The following ACAP2 variants were observed in gnomAD, a reference collection of about 807,000 sequenced individuals.
ACAP2 encodes ArfGAP with coiled-coil, ankyrin repeat and PH domains 2, also known as arf-GAP with coiled-coil, ANK repeat and PH domain-containing protein 2.
A neutral mutation model predicts 115.8 loss-of-function variants in ACAP2; 39 were observed. That is an observed-to-expected ratio of 0.34 (90% CI 0.26 to 0.44). ACAP2 has a LOEUF of 0.44. ACAP2 is among the 20% of genes least tolerant of loss of function. The probability of loss-of-function intolerance (pLI) is 1.00; values close to 1 mark genes in which losing one functional copy is unlikely to be tolerated. For missense variants in ACAP2, 662 were observed against 927.6 expected (o/e 0.71, Z 3.72); for synonymous variants, 289 against 315.8 (o/e 0.92, Z 0.90).
At chr3:195,295,270 C>T (rs1727566066) in intron 17 of ACAP2, 2 of 1,291,608 alleles carry the variant, frequency 1.5e-6, no homozygotes, top group Non-Finnish European at 2.0e-6. Context: ...CAGAGACTCC[C>T]GCCTGGCCTC....
At chr3:195,372,597 A>G (rs1238227483) in intron 4 of ACAP2, among the ~76,000 whole-genome samples, 1 of 152,006 alleles carries the variant, frequency 6.6e-6, no homozygotes, top group African/African-American at 2.4e-5. Flanking sequence ...TGAGGCAAGA[A>G]CATCACTTGA....
intron 4 of ACAP2, among the ~76,000 whole-genome samples, chr3:195,374,953 A>G (rs1733423139): frequency 6.6e-6 from 1 of 151,992 alleles, no homozygotes; most frequent in South Asian, 2.1e-4. Flanking sequence ...GCACTTTGGG[A>G]GGCCAAGGCG....
rs942915719 is a variant in ACAP2 at position 195,407,310 on chromosome 3, C to A, written c.54-15163G>T. Reference sequence around the variant, plus strand: ...CCCAAGAGTTTGAGACCAGCCTGGGCAACACAGCAAGCCTCCATCTTCACA... The same window carrying A: ...CCCAAGAGTTTGAGACCAGCCTGGGAAACACAGCAAGCCTCCATCTTCACA... On this transcript the variant is annotated intron_variant, in intron 1 of 22. Transcript: ENST00000326793. Among the ~76,000 whole-genome samples, 9 of 151,334 alleles carry A rather than the reference C, an allele frequency of 5.9e-5. 1 individual carries two copies. The highest frequency in any genetic ancestry group is 1.7e-4 in the African/African-American group (7 of 41,158).
At chr3:195,419,493 A>G (rs1714000548) in intron 1 of ACAP2, 1 of 152,200 alleles carries the variant, frequency 6.6e-6, no homozygotes. Context: ...AAGGAGATCA[A>G]TCTGTAACTG....
At chr3:195,300,580 A>T (rs1466307063) in intron 15 of ACAP2, among the ~76,000 whole-genome samples, 1 of 152,216 alleles carries the variant, frequency 6.6e-6, no homozygotes, top group East Asian at 1.9e-4. Context: ...TAACCTGACA[A>T]ATATAAATTT....
intron 6 of ACAP2, among the ~76,000 whole-genome samples, chr3:195,340,240 CT>C (rs1219713847): frequency 6.6e-6 from 1 of 150,538 alleles, no homozygotes; most frequent in Admixed American, 6.7e-5. Flanking sequence ...ACTAGATATA[CT>C]GGCTTACAAT....
intron 20 of ACAP2, among the ~76,000 whole-genome samples, chr3:195,290,532 C>T (rs1156570553): frequency 6.6e-6 from 1 of 151,938 alleles, no homozygotes; most frequent in Non-Finnish European, 1.5e-5. Flanking sequence ...CAGACATGGC[C>T]GTGCGCAGTG....
At chr3:195,299,294 G>A (rs913803901) in intron 15 of ACAP2, among the ~76,000 whole-genome samples, 3 of 152,094 alleles carry the variant, frequency 2.0e-5, no homozygotes, top group Admixed American at 1.3e-4. Context: ...AACTGGCTGC[G>A]TGTGGTGGCT....
At chr3:195,310,300 A>T (rs1728679856) in intron 10 of ACAP2, among the ~76,000 whole-genome samples, 1 of 152,226 alleles carries the variant, frequency 6.6e-6, no homozygotes. Context: ...TCTAGATAAA[A>T]TGAGCTGGGT....
chr3:195,299,430 T>C (rs1432529176), intron 15 of ACAP2, among the ~76,000 whole-genome samples: 2 of 144,722 alleles, frequency 1.4e-5, no homozygotes, highest in Non-Finnish European at 3.0e-5. Context: ...AAAAAAAAAA[T>C]TACTTGGGAG....
chr3:195,382,159 T>C (rs983858453), intron 2 of ACAP2, 137 bp from the exon 3 acceptor site: 8 of 774,482 alleles, frequency 1.0e-5, no homozygotes, highest in South Asian at 1.9e-5. Flanking sequence ...AACAGACTAA[T>C]TGAAAAGTAT....
chr3:195,418,077 C>G (rs963136980), intron 1 of ACAP2, among the ~76,000 whole-genome samples: 16 of 152,198 alleles, frequency 1.1e-4, no homozygotes, highest in Non-Finnish European at 1.9e-4. Flanking sequence ...TCTTCCACAT[C>G]CTATACTTTT....
intron 1 of ACAP2, among the ~76,000 whole-genome samples, chr3:195,395,661 C>A (rs1187372443): frequency 6.6e-6 from 1 of 152,160 alleles, no homozygotes; most frequent in African/African-American, 2.4e-5. Flanking sequence ...GCAAGAGAGA[C>A]CATATGGCCC....
chr3:195,360,984 C>CAA (rs34043043), intron 4 of ACAP2, among the ~76,000 whole-genome samples: 6 of 98,160 alleles, frequency 6.1e-5, no homozygotes, highest in Non-Finnish European at 1.1e-4. Flanking sequence ...GTAAGAAACT[C>CAA]AAAAAAAAAA....
At chr3:195,343,485 G>A (rs1189234401) in intron 5 of ACAP2, among the ~76,000 whole-genome samples, 1 of 152,156 alleles carries the variant, frequency 6.6e-6, no homozygotes, top group African/African-American at 2.4e-5. Flanking sequence ...TCATGCTGTG[G>A]CATGATCATA....
At chr3:195,395,232 C>A (rs540886167) in intron 1 of ACAP2, among the ~76,000 whole-genome samples, 1 of 152,018 alleles carries the variant, frequency 6.6e-6, no homozygotes, top group Non-Finnish European at 1.5e-5. Flanking sequence ...GACCCCTACC[C>A]TCCATAGCTT....
chr3:195,430,832 T>C lies in ACAP2; in HGVS notation c.53+11963A>G, dbSNP rs866647207. On this transcript the variant is annotated intron_variant, in intron 1 of 22. Coordinates refer to ENST00000326793, the MANE Select transcript of ACAP2 (RefSeq NM_012287.6). Reference sequence around the variant, plus strand: ...ATGGAGGCTCAACATGTATTTTCTATTCCACCTATGCGTTTGATTATAAAT... The same window carrying C: ...ATGGAGGCTCAACATGTATTTTCTACTCCACCTATGCGTTTGATTATAAAT... 2.0e-5 allele frequency among the ~76,000 whole-genome samples: 3 copies of C among 152,350 alleles called. 1 individual carries two copies. Among genetic ancestry groups the C allele is most frequent in the South Asian group, 4.1e-4 (2 of 4,830 alleles).
chr3:195,321,357 G>A (rs1238201201), intron 9 of ACAP2, among the ~76,000 whole-genome samples: 7 of 150,966 alleles, frequency 4.6e-5, no homozygotes, highest in East Asian at 2.0e-4. Context: ...CATGTAGCTC[G>A]AATTACGGAC....
At position 195,307,432 on chromosome 3, in the gene ACAP2, T is replaced by G. The variant is rs1728494716; in HGVS notation, c.910-109A>C. 3 of 667,522 alleles carry G rather than the reference T, an allele frequency of 4.5e-6. No homozygotes were observed. In the Admixed American group the frequency reaches 9.1e-5, roughly 20 times the overall value. The allele number at this position is 667,522 out of a possible 1,614,324, so 41.3% of individuals were successfully genotyped here. A position where few individuals can be genotyped will look rare whatever the true frequency, so the allele number is the denominator to read the frequency against. On this transcript the variant is annotated intron_variant, in intron 11 of 22. Transcript: ENST00000326793. ...GCATAACTGGTCTAATTTTCAAGAT[T>G]TATATTTTATTTTAGAAACAGGGGT...
Sources: gnomAD v4.1 joint callset for allele counts (sites outside exome capture counted in the v4.1 genomes callset) on GRCh38, gnomAD v4.1.1 for gene constraint, MANE v1.5 for transcripts, NCBI Gene and HGNC (gene_info 2026-07-23, HGNC 2026-07-21) for gene names.